The following ETNK1 variants were observed in gnomAD, a reference collection of about 807,000 sequenced individuals.
ETNK1 encodes putative protein product of Nbla10396.
A neutral mutation model predicts 45.1 loss-of-function variants in ETNK1; 8 were observed. The ratio of observed to expected loss-of-function variants is 0.18; its 90% CI spans 0.10 to 0.32. The LOEUF (loss-of-function observed/expected upper bound fraction) is 0.32. ETNK1 is among the 10% of genes least tolerant of loss of function. ETNK1 has a pLI of 1.00. For missense variants in ETNK1, 302 were observed against 430.6 expected (o/e 0.70, Z 2.64); for synonymous variants, 152 against 151.9 (o/e 1.00, Z -0.01).
intron 1 of ETNK1, among the ~76,000 whole-genome samples, chr12:22,628,307 T>C (rs1413637226): frequency 2.0e-5 from 3 of 152,086 alleles, no homozygotes; most frequent in Admixed American, 6.5e-5. Context: ...AGAGTTTTGT[T>C]TGTATATTAT....
At chr12:22,671,473 G>A (rs1371740274) in intron 5 of ETNK1, 118 bp downstream of exon 5, 6 of 715,298 alleles carry the variant, frequency 8.4e-6, no homozygotes, top group African/African-American at 7.2e-5. Flanking sequence ...GTTGTTGACC[G>A]TTTTTCTTTG....
chr12:22,639,139 G>A (rs1268719554), intron 1 of ETNK1, among the ~76,000 whole-genome samples: 21 of 152,246 alleles, frequency 1.4e-4, no homozygotes, highest in South Asian at 2.1e-4. Context: ...TTGGTGGGGC[G>A]TTTGTGTAGA....
chr12:22,681,671 A>G (rs1378631821), intron 6 of ETNK1, among the ~76,000 whole-genome samples: 3 of 151,982 alleles, frequency 2.0e-5, no homozygotes, highest in African/African-American at 4.8e-5. Flanking sequence ...CATTAACGCA[A>G]ATGCCATAAA....
intron 2 of ETNK1, chr12:22,644,681 C>G (rs1157794509): frequency 6.5e-6 from 1 of 153,268 alleles, no homozygotes; most frequent in South Asian, 2.1e-4. Flanking sequence ...TCAATATTTA[C>G]CATATTAGAT....
chr12:22,651,820 G>A (rs972440860), intron 2 of ETNK1, among the ~76,000 whole-genome samples: 3 of 151,492 alleles, frequency 2.0e-5, no homozygotes, highest in Non-Finnish European at 4.4e-5. Flanking sequence ...CGAGTAGCTG[G>A]GACTATAGGT....
intron 5 of ETNK1, among the ~76,000 whole-genome samples, chr12:22,672,639 A>G (rs1954120945): frequency 6.6e-6 from 1 of 152,252 alleles, no homozygotes; most frequent in South Asian, 2.1e-4. Context: ...GTGGACAAAA[A>G]AAGTGAGCTA....
chr12:22,672,959 G>T (rs1954124194), intron 5 of ETNK1, among the ~76,000 whole-genome samples: 1 of 152,044 alleles, frequency 6.6e-6, no homozygotes, highest in Non-Finnish European at 1.5e-5. Context: ...AATGTTGTTG[G>T]GATAAATACT....
At chr12:22,628,600 A>G (rs1426825273) in intron 1 of ETNK1, among the ~76,000 whole-genome samples, 1 of 152,134 alleles carries the variant, frequency 6.6e-6, no homozygotes, top group Non-Finnish European at 1.5e-5. Context: ...TCTCAGGTCC[A>G]TAATAATTCT....
chr12:22,648,289 T>TA (rs1953832575), intron 2 of ETNK1, among the ~76,000 whole-genome samples: 1 of 151,920 alleles, frequency 6.6e-6, no homozygotes, highest in South Asian at 2.1e-4. Context: ...TTTGGGCAAA[T>TA]ATATAATGCA....
At chr12:22,642,139 T>C (rs1266990658) in intron 1 of ETNK1, among the ~76,000 whole-genome samples, 1 of 152,104 alleles carries the variant, frequency 6.6e-6, no homozygotes, top group African/African-American at 2.4e-5. Flanking sequence ...ATGGAGATGA[T>C]GATTTCTGGA....
intron 1 of ETNK1, among the ~76,000 whole-genome samples, chr12:22,639,951 C>T (rs919430674): frequency 1.3e-5 from 2 of 152,030 alleles, no homozygotes; most frequent in African/African-American, 2.4e-5. Flanking sequence ...TTAATTAGAT[C>T]GGTTTGGATA....
intron 1 of ETNK1, among the ~76,000 whole-genome samples, chr12:22,629,777 C>T (rs1953551674): frequency 6.6e-6 from 1 of 151,820 alleles, no homozygotes; most frequent in Admixed American, 6.6e-5. Flanking sequence ...GTTTACTTTC[C>T]CTAAGATTAT....
Position 22,687,792 on chromosome 12 carries a change from T to G in ETNK1, c.*2838T>G, listed in dbSNP as rs1448847838. On this transcript the variant is annotated 3_prime_UTR_variant, in exon 8 of 8. Transcript: ENST00000266517. ...TCTTGCATATGAGACTGTGTATTGT[T>G]TTGCATTCTCTTCCCTTTTGTAGAA... 6.6e-6 allele frequency: 1 copy of G among 152,336 alleles called. No homozygotes were observed. Among genetic ancestry groups the G allele is most frequent in the Non-Finnish European group, 1.5e-5 (1 of 67,800 alleles). 9.4% of individuals were successfully genotyped at this position (152,336 alleles called of 1,614,324 possible). A position where few individuals can be genotyped will look rare whatever the true frequency, so the allele number is the denominator to read the frequency against.
intron 1 of ETNK1, among the ~76,000 whole-genome samples, chr12:22,639,672 CA>C (rs61530753): frequency 0.057 from 7,875 of 138,348 alleles, 649 homozygotes; most frequent in African/African-American, 0.19. Context: ...CTGAGACTCT[CA>C]AAAAAAAAAA....
Position 22,687,747 on chromosome 12 carries a change from G to A in ETNK1, c.*2793G>A, listed in dbSNP as rs1954272350. 6.6e-6 allele frequency: 1 copy of A among 152,262 alleles called. No homozygotes were observed. The highest frequency in any genetic ancestry group is 2.1e-4 in the South Asian group (1 of 4,828). 9.4% of individuals were successfully genotyped at this position (152,262 alleles called of 1,614,324 possible). On this transcript the variant is annotated 3_prime_UTR_variant, in exon 8 of 8. Coordinates refer to ENST00000266517, the MANE Select transcript of ETNK1 (RefSeq NM_018638.5). ...ATATAAAAAATGTAAATAAAAATTT[G>A]TAAATTAGTGTGAACTGTATCTTGC... is the stretch of plus-strand genomic sequence containing the variant.
At position 22,625,209 on chromosome 12, in the gene ETNK1, C is replaced by G. The variant is rs759425754; in HGVS notation, c.-222C>G. 1.9e-6 allele frequency: 3 copies of G among 1,609,870 alleles called. No homozygotes were observed. The highest frequency in any genetic ancestry group is 2.5e-6 in the Non-Finnish European group (3 of 1,178,194). On this transcript the variant is annotated 5_prime_UTR_variant, in exon 1 of 8. Coordinates refer to ENST00000266517, the MANE Select transcript of ETNK1 (RefSeq NM_018638.5). ...GTCCAGCTCCGACAACAGGAATTTTCTCCGAGAGCGGGCCGGGCTCAGTTC... is the reference window on the plus strand; with the variant it reads ...GTCCAGCTCCGACAACAGGAATTTTGTCCGAGAGCGGGCCGGGCTCAGTTC...
intron 2 of ETNK1, among the ~76,000 whole-genome samples, chr12:22,651,557 C>A (rs1953874885): frequency 6.6e-6 from 1 of 151,984 alleles, no homozygotes; most frequent in Admixed American, 6.6e-5. Flanking sequence ...CTTTCTGGCT[C>A]CAGTTGTCAC....
At chr12:22,652,932 C>T (rs370138467) in intron 2 of ETNK1, among the ~76,000 whole-genome samples, 1 of 152,032 alleles carries the variant, frequency 6.6e-6, no homozygotes, top group Admixed American at 6.6e-5. Context: ...TGAAGGTTTC[C>T]CCCTATGTTT....
At chr12:22,660,216 A>G (rs1953985653) in intron 3 of ETNK1, among the ~76,000 whole-genome samples, 1 of 152,102 alleles carries the variant, frequency 6.6e-6, no homozygotes, top group South Asian at 2.1e-4. Flanking sequence ...TTATACTGTT[A>G]ATGGAGAAGC....
Sources: gnomAD v4.1 joint callset for allele counts (sites outside exome capture counted in the v4.1 genomes callset) on GRCh38, gnomAD v4.1.1 for gene constraint, MANE v1.5 for transcripts, NCBI Gene and HGNC (gene_info 2026-07-23, HGNC 2026-07-21) for gene names.